PLPPR1: variants seen among roughly 807,000 people sequenced by gnomAD.
The protein encoded by PLPPR1 is phospholipid phosphatase related 1.
In PLPPR1, 10 loss-of-function variants were observed where a neutral mutation model predicts 33.1. The observed-to-expected ratio is 0.30, with a 90% CI of 0.19 to 0.51. The LOEUF is 0.51. Ranked by LOEUF, PLPPR1 falls within the 20% of genes least tolerant of loss-of-function variation. The pLI is 0.97. For synonymous variants in PLPPR1, 151 were observed against 151.0 expected, an observed-to-expected ratio of 1.00 and a Z score of 0.00; for missense variants, 304 against 408.1, an observed-to-expected ratio of 0.74 and a Z score of 2.20.
intron 2 of PLPPR1, among the ~76,000 whole-genome samples, chr9:101,209,133 C>A (rs1159479470): frequency 6.6e-6 from 1 of 152,198 alleles, no homozygotes. Flanking sequence ...TGTAATGAAT[C>A]AGAAAGTCTG....
At chr9:101,160,414 T>C (rs1666033782) in intron 1 of PLPPR1, among the ~76,000 whole-genome samples, 1 of 152,210 alleles carries the variant, frequency 6.6e-6, no homozygotes, top group South Asian at 2.1e-4. Context: ...TTTGTGCCTT[T>C]TGCTTTCTTT....
intron 1 of PLPPR1, among the ~76,000 whole-genome samples, chr9:101,110,307 A>G (rs995952830): frequency 1.3e-5 from 2 of 152,212 alleles, no homozygotes; most frequent in African/African-American, 2.4e-5. Flanking sequence ...CTTAGCTTGC[A>G]GAGTGACAAG....
intron 1 of PLPPR1, among the ~76,000 whole-genome samples, chr9:101,076,205 A>G (rs2254413): frequency 0.68 from 103,890 of 151,748 alleles, 35,929 homozygotes; most frequent in East Asian, 0.89. Context: ...GTTCTAACCA[A>G]CCTTCCAGGT....
Position 101,318,765 on chromosome 9 carries a change from C to A in PLPPR1, c.945+1269C>A, listed in dbSNP as rs1300756393. ...CTCTAGGCTGGGTGACAGAGTGAGA[C>A]CCTATCTCAAAAAAAAACAAAAACA... On this transcript the variant is annotated intron_variant, in intron 7 of 7. Coordinates refer to ENST00000374874, the MANE Select transcript of PLPPR1 (RefSeq NM_207299.2). Among the ~76,000 whole-genome samples, 6 of 134,968 alleles carry A rather than the reference C, an allele frequency of 4.4e-5. No homozygotes were observed. The East Asian group carries it at 6.0e-4, about 13-fold the overall frequency. 88.5% of individuals were successfully genotyped at this position (134,968 alleles called of 152,430 possible). A position where few individuals can be genotyped will look rare whatever the true frequency, so the allele number is the denominator to read the frequency against.
At chr9:101,246,095 T>TG (rs1827602737) in intron 2 of PLPPR1, among the ~76,000 whole-genome samples, 1 of 110,356 alleles carries the variant, frequency 9.1e-6, no homozygotes, top group East Asian at 2.5e-4. Context: ...TATATATATA[T>TG]ATATATATAT....
chr9:101,317,261 C>G, intron 6 of PLPPR1, 104 bp from the exon 7 acceptor site: 1 of 1,227,204 alleles, frequency 8.1e-7, no homozygotes, highest in Non-Finnish European at 1.1e-6. Context: ...GGAAAAAGGT[C>G]ACTCTGGTGA....
chr9:101,100,787 G>C (rs1333777172), intron 1 of PLPPR1, among the ~76,000 whole-genome samples: 1 of 148,438 alleles, frequency 6.7e-6, no homozygotes, highest in East Asian at 2.0e-4. Context: ...TATTTCCCCA[G>C]GTTCTTTATA....
At chr9:101,123,917 A>G (rs1203921213) in intron 1 of PLPPR1, among the ~76,000 whole-genome samples, 2 of 151,966 alleles carry the variant, frequency 1.3e-5, no homozygotes, top group Non-Finnish European at 2.9e-5. Flanking sequence ...GGGGTTTTAG[A>G]CCCTGGACCT....
chr9:101,127,399 C>T (rs10989412), intron 1 of PLPPR1, among the ~76,000 whole-genome samples: 71,331 of 152,092 alleles, frequency 0.47, 17,195 homozygotes, highest in Non-Finnish European at 0.53. Context: ...ATTGCAGAGG[C>T]TGTGAAGGCC....
intron 1 of PLPPR1, among the ~76,000 whole-genome samples, chr9:101,142,028 A>G (rs1043542640): frequency 2.6e-5 from 4 of 152,182 alleles, no homozygotes; most frequent in African/African-American, 7.2e-5. Flanking sequence ...TTTATCTTCC[A>G]GTGTCTAGTC....
intron 2 of PLPPR1, among the ~76,000 whole-genome samples, chr9:101,232,550 C>G (rs1437101063): frequency 6.6e-6 from 1 of 151,438 alleles, no homozygotes; most frequent in East Asian, 1.9e-4. Context: ...GCAATTTGTC[C>G]AAGGTCATAG....
intron 2 of PLPPR1, among the ~76,000 whole-genome samples, chr9:101,269,589 CTG>C (rs1467897999): frequency 2.6e-5 from 4 of 152,222 alleles, no homozygotes; most frequent in African/African-American, 9.6e-5. Flanking sequence ...CGTGCATACT[CTG>C]AGACTCTGAA....
chr9:101,285,282 G>A (rs146880675), intron 3 of PLPPR1, among the ~76,000 whole-genome samples: 42 of 151,414 alleles, frequency 2.8e-4, no homozygotes, highest in Middle Eastern at 3.4e-3. Flanking sequence ...ATACTAAAGA[G>A]TTATTAAGAT....
rs138802618 is a variant in PLPPR1, at chr9:101,251,119, G to T, written c.64-18761G>T. On this transcript the variant is annotated intron_variant, in intron 2 of 7. Transcript: ENST00000374874. ...ATGTCTAATAGGCATATCAAAATAT[G>T]TTCAAAATTAAACTTATTTAATTTT... Among the ~76,000 whole-genome samples the T allele has an allele frequency of 3.7e-3, 564 of 152,096 alleles. 1 individual carries two copies. Among genetic ancestry groups the T allele is most frequent in the Admixed American group, 5.5e-3 (84 of 15,242 alleles).
chr9:101,312,415 A>G (rs1046590795), intron 5 of PLPPR1, among the ~76,000 whole-genome samples: 3 of 152,214 alleles, frequency 2.0e-5, no homozygotes, highest in Non-Finnish European at 4.4e-5. Flanking sequence ...CTTCATTCCC[A>G]TAGAAGGTTT....
intron 1 of PLPPR1, among the ~76,000 whole-genome samples, chr9:101,131,155 C>T (rs973788859): frequency 4.6e-5 from 7 of 152,106 alleles, no homozygotes; most frequent in African/African-American, 7.2e-5. Flanking sequence ...CTGACCTTGA[C>T]GGCATTTTAA....
intron 1 of PLPPR1, among the ~76,000 whole-genome samples, chr9:101,124,043 G>A (rs766520732): frequency 1.3e-5 from 2 of 152,072 alleles, no homozygotes; most frequent in Non-Finnish European, 2.9e-5. Context: ...AAAACAGAAG[G>A]TATTATTATT....
At chr9:101,142,677 C>T (rs1831466413) in intron 1 of PLPPR1, among the ~76,000 whole-genome samples, 1 of 152,196 alleles carries the variant, frequency 6.6e-6, no homozygotes, top group Admixed American at 6.5e-5. Flanking sequence ...AAAACTCACT[C>T]TCTTGAATCT....
chr9:101,238,292 CCTATATAT>C (rs1459662597), intron 2 of PLPPR1, among the ~76,000 whole-genome samples: 6 of 124,054 alleles, frequency 4.8e-5, no homozygotes, highest in African/African-American at 1.8e-4. Context: ...ATATACATAC[CCTATATAT>C]ATATAGGGTA....
Sources: allele counts gnomAD v4.1 joint callset (sites outside exome capture counted in the v4.1 genomes callset), GRCh38; gene constraint gnomAD v4.1.1; transcripts MANE v1.5; gene names NCBI Gene and HGNC (gene_info 2026-07-23, HGNC 2026-07-21).